ARIH2: variants seen among roughly 807,000 people sequenced by gnomAD.
The protein encoded by ARIH2 is E3 ubiquitin-protein ligase ARIH2.
ARIH2 carries 12 observed loss-of-function variants against 79.8 expected under a neutral mutation model. The ratio of observed to expected loss-of-function variants is 0.15; its 90% CI spans 0.10 to 0.24. The LOEUF is 0.24. Among genes scored for constraint, ARIH2 ranks in the 10% least tolerant of loss-of-function variants. The pLI, the probability that ARIH2 is intolerant of heterozygous loss-of-function variation, is 1.00. For missense variants in ARIH2, 301 were observed against 618.3 expected (o/e 0.49, Z 5.44); for synonymous variants, 224 against 213.9 (o/e 1.05, Z -0.41).
At chr3:48,945,031 C>T in intron 3 of ARIH2, 1 of 949,584 alleles carries the variant, frequency 1.1e-6, no homozygotes, top group Non-Finnish European at 1.5e-6. Flanking sequence ...CACGAAGTGG[C>T]AGGCTGAGGC....
intron 11 of ARIH2, 166 bp downstream of exon 11, chr3:48,975,145 C>T: frequency 8.3e-7 from 1 of 1,204,616 alleles, no homozygotes; most frequent in Non-Finnish European, 1.1e-6. Context: ...TTTTTATTTT[C>T]TGTTTTTTGG....
intron 3 of ARIH2, among the ~76,000 whole-genome samples, chr3:48,929,838 T>A (rs1467607409): frequency 1.3e-5 from 2 of 152,190 alleles, no homozygotes. Flanking sequence ...CTAGATTTCC[T>A]AGTCCCTGAT....
intron 3 of ARIH2, among the ~76,000 whole-genome samples, chr3:48,957,313 T>C (rs929745510): frequency 3.3e-5 from 5 of 152,250 alleles, no homozygotes; most frequent in Admixed American, 3.3e-4. Context: ...GTGTTAAACC[T>C]TCTTGACCTT....
chr3:48,939,289 T>C (rs1250234287), intron 3 of ARIH2, among the ~76,000 whole-genome samples: 1 of 151,450 alleles, frequency 6.6e-6, no homozygotes, highest in East Asian at 2.0e-4. Flanking sequence ...TGAGATAAAC[T>C]GCAGAGAAAT....
chr3:48,944,841 TC>T, intron 3 of ARIH2: 1 of 309,024 alleles, frequency 3.2e-6, no homozygotes, highest in Non-Finnish European at 6.4e-6. Context: ...CTCCACATCA[TC>T]CCTTGTCCCC....
intron 3 of ARIH2, among the ~76,000 whole-genome samples, chr3:48,950,437 T>C (rs1020082352): frequency 6.6e-6 from 1 of 152,250 alleles, no homozygotes; most frequent in African/African-American, 2.4e-5. Flanking sequence ...TATGTAGCTT[T>C]ATAGTAAGTC....
chr3:48,985,710 G>A lies in ARIH2; in HGVS notation c.*2440G>A, dbSNP rs1377200739. ...CTGTTTTCCCTTTCTGGCTGTTGGGGGAGAGGGCACCTGTAAGTGATCCCT... is the reference window on the plus strand; with the variant it reads ...CTGTTTTCCCTTTCTGGCTGTTGGGAGAGAGGGCACCTGTAAGTGATCCCT... On this transcript the variant is annotated 3_prime_UTR_variant, in exon 16 of 16. Coordinates refer to ENST00000356401, the MANE Select transcript of ARIH2 (RefSeq NM_006321.4). 6.6e-6 allele frequency: 1 copy of A among 152,170 alleles called. No homozygotes were observed. The highest frequency in any genetic ancestry group is 2.4e-5 in the African/African-American group (1 of 41,414). The allele number at this position is 152,170 out of a possible 1,614,324, so 9.4% of individuals were successfully genotyped here. A position where few individuals can be genotyped will look rare whatever the true frequency, so the allele number is the denominator to read the frequency against.
At chr3:48,953,138 C>T (rs2090157847) in intron 3 of ARIH2, among the ~76,000 whole-genome samples, 1 of 152,052 alleles carries the variant, frequency 6.6e-6, no homozygotes, top group East Asian at 1.9e-4. Context: ...CTATGTTGGC[C>T]AGGCTGATCT....
At chr3:48,933,178 A>C (rs751205621) in intron 3 of ARIH2, among the ~76,000 whole-genome samples, 23 of 151,904 alleles carry the variant, frequency 1.5e-4, no homozygotes, top group Non-Finnish European at 2.9e-5. Context: ...CCAGGCTCAA[A>C]CAATCCTACT....
intron 7 of ARIH2, 98 bp downstream of exon 7, chr3:48,968,753 G>A: frequency 3.3e-6 from 5 of 1,495,470 alleles, no homozygotes; most frequent in Non-Finnish European, 4.5e-6. Context: ...CTGACATTAA[G>A]TGATAGTGTT....
intron 8 of ARIH2, 61 bp downstream of exon 8, chr3:48,970,765 C>T (rs749317007): frequency 6.0e-5 from 79 of 1,316,084 alleles, no homozygotes; most frequent in Non-Finnish European, 8.2e-5. Context: ...CAAAGCACCA[C>T]TGCTGTTGCT....
chr3:48,943,034 C>T (rs139785446), intron 3 of ARIH2, among the ~76,000 whole-genome samples: 27 of 152,296 alleles, frequency 1.8e-4, no homozygotes, highest in African/African-American at 6.0e-4. Flanking sequence ...CTGCCTCGGC[C>T]TCCCAAAGTG....
At chr3:48,974,321 T>A (rs1021011339) in intron 9 of ARIH2, among the ~76,000 whole-genome samples, 10 of 152,186 alleles carry the variant, frequency 6.6e-5, no homozygotes, top group African/African-American at 2.4e-4. Flanking sequence ...CATAGTCGAC[T>A]TCACGGCAGT....
chr3:48,937,640 T>C (rs531141433), intron 3 of ARIH2, among the ~76,000 whole-genome samples: 3 of 152,310 alleles, frequency 2.0e-5, no homozygotes, highest in South Asian at 2.1e-4. Flanking sequence ...GGCCAATAAA[T>C]GCACAGTTGA....
At chr3:48,931,488 G>T (rs1306079543) in intron 3 of ARIH2, among the ~76,000 whole-genome samples, 2 of 151,826 alleles carry the variant, frequency 1.3e-5, no homozygotes, top group African/African-American at 4.8e-5. Flanking sequence ...GGCAGAGGTT[G>T]CAGTGAGATG....
rs766029188 is a variant in ARIH2, at chr3:48,985,819, C to T, written c.*2549C>T. 2 of 152,226 alleles carry T rather than the reference C, an allele frequency of 1.3e-5. No individual in the cohort carries two copies. Among genetic ancestry groups the T allele is most frequent in the Non-Finnish European group, 2.9e-5 (2 of 68,086 alleles). The allele number at this position is 152,226 out of a possible 1,614,324, so 9.4% of individuals were successfully genotyped here. ...GAATCATTCCCCACCACAGATAGAT[C>T]CCAGGGTTGTGGTAGAGTACTGATA... On this transcript the variant is annotated 3_prime_UTR_variant, in exon 16 of 16. Transcript: ENST00000356401.
intron 14 of ARIH2, 74 bp downstream of exon 14, chr3:48,981,802 G>C (rs1485908412): frequency 3.1e-6 from 4 of 1,271,608 alleles, no homozygotes; most frequent in Non-Finnish European, 3.4e-6. Context: ...CTTTGCAGGA[G>C]AGTGAGGACC....
chr3:48,977,045 A>G (rs2092546046), intron 11 of ARIH2, among the ~76,000 whole-genome samples: 1 of 152,074 alleles, frequency 6.6e-6, no homozygotes, highest in African/African-American at 2.4e-5. Context: ...CTAAAAAAAA[A>G]TACAAAATTA....
intron 3 of ARIH2, among the ~76,000 whole-genome samples, chr3:48,937,395 C>T (rs1021232370): frequency 2.6e-5 from 4 of 152,088 alleles, no homozygotes; most frequent in African/African-American, 9.7e-5. Context: ...GACCCTCTAC[C>T]CCTTGTTTAC....
Sources: gnomAD v4.1 joint callset for allele counts (sites outside exome capture counted in the v4.1 genomes callset) on GRCh38, gnomAD v4.1.1 for gene constraint, MANE v1.5 for transcripts, NCBI Gene and HGNC (gene_info 2026-07-23, HGNC 2026-07-21) for gene names.